Variants in PPFIA2 observed in about 807,000 individuals in gnomAD.
PPFIA2 encodes the protein PPFI scaffold protein A2.
In PPFIA2, 46 loss-of-function variants were observed where a neutral mutation model predicts 175.5. The ratio of observed to expected loss-of-function variants is 0.26; its 90% CI spans 0.21 to 0.34. The LOEUF (loss-of-function observed/expected upper bound fraction) is 0.34, where lower values mean the gene tolerates loss of function less well. Ranked by LOEUF, PPFIA2 falls within the 10% of genes least tolerant of loss-of-function variation. PPFIA2 has a pLI of 1.00. For missense variants in PPFIA2, 1,179 were observed against 1,506.1 expected (o/e 0.78, Z 3.60); for synonymous variants, 568 against 511.4 (o/e 1.11, Z -1.49).
At chr12:81,738,005 A>ATC (rs2081845479) in intron 3 of PPFIA2, among the ~76,000 whole-genome samples, 1 of 151,884 alleles carries the variant, frequency 6.6e-6, no homozygotes, top group Admixed American at 6.6e-5. Context: ...CACAATGTTA[A>ATC]TCTCTATGGA....
intron 24 of PPFIA2, among the ~76,000 whole-genome samples, chr12:81,289,982 T>C (rs1475945732): frequency 6.6e-6 from 1 of 151,722 alleles, no homozygotes; most frequent in African/African-American, 2.4e-5. Flanking sequence ...ATCATATATG[T>C]GACATTTAAA....
chr12:81,310,851 A>T (rs1481277663), intron 22 of PPFIA2, among the ~76,000 whole-genome samples: 1 of 152,146 alleles, frequency 6.6e-6, no homozygotes, highest in African/African-American at 2.4e-5. Context: ...GTAACTTAAA[A>T]TTATATTAAA....
chr12:81,487,942 C>A (rs1211451656), intron 4 of PPFIA2, among the ~76,000 whole-genome samples: 4 of 151,816 alleles, frequency 2.6e-5, no homozygotes, highest in Non-Finnish European at 5.9e-5. Flanking sequence ...TGTTTAACAT[C>A]TGCATTTCCA....
intron 4 of PPFIA2, among the ~76,000 whole-genome samples, chr12:81,517,160 A>G (rs1421487652): frequency 2.7e-5 from 4 of 148,552 alleles, no homozygotes; most frequent in Non-Finnish European, 5.9e-5. Context: ...CTAGTAGAAG[A>G]CAACAGAATC....
At chr12:81,643,348 C>T (rs1464395950) in intron 4 of PPFIA2, among the ~76,000 whole-genome samples, 1 of 151,760 alleles carries the variant, frequency 6.6e-6, no homozygotes, top group Non-Finnish European at 1.5e-5. Flanking sequence ...AGACACCTTC[C>T]CTATAATTTC....
At chr12:81,511,783 C>T (rs560650573) in intron 4 of PPFIA2, among the ~76,000 whole-genome samples, 15 of 151,980 alleles carry the variant, frequency 9.9e-5, no homozygotes, top group Non-Finnish European at 2.1e-4. Context: ...CCTTTAAGAA[C>T]CCAACATTTC....
intron 22 of PPFIA2, among the ~76,000 whole-genome samples, chr12:81,313,037 A>G (rs2051331083): frequency 1.3e-5 from 2 of 152,126 alleles, no homozygotes; most frequent in Non-Finnish European, 2.9e-5. Context: ...TTTTGGGGAA[A>G]CATCCATAAA....
intron 4 of PPFIA2, among the ~76,000 whole-genome samples, chr12:81,666,644 G>C (rs1439324319): frequency 6.6e-6 from 1 of 152,052 alleles, no homozygotes; most frequent in African/African-American, 2.4e-5. Context: ...ATAGCATTTG[G>C]AGATATACCT....
At chr12:81,667,507 C>T (rs1291087206) in intron 4 of PPFIA2, among the ~76,000 whole-genome samples, 2 of 152,072 alleles carry the variant, frequency 1.3e-5, no homozygotes, top group East Asian at 1.9e-4. Context: ...TCCTCCCCAT[C>T]ATTAATAACT....
rs371042284 is a variant in PPFIA2 at position 81,325,857 on chromosome 12, C to T, written c.2562G>A (p.Glu854=). The part of the protein sequence containing the change: ...ARLGQLRGFM[E]TEAAAQESLG... ...GGGACTCCTGAGCTGCAGCTTCAGT[C>T]TCCATAAAGCCTCCTGTGAAGAGAA... The change falls in exon 22 of 33, where the codon GAG becomes GAA. Residue 854 remains glutamate (E), a synonymous_variant. Transcript: ENST00000549396. 7 of 1,611,416 alleles carry T rather than the reference C, an allele frequency of 4.3e-6. No individual in the cohort carries two copies. In the East Asian group the frequency reaches 8.9e-5, roughly 21 times the overall value.
At chr12:81,537,775 T>A (rs921980058) in intron 4 of PPFIA2, among the ~76,000 whole-genome samples, 4 of 151,842 alleles carry the variant, frequency 2.6e-5, no homozygotes, top group African/African-American at 7.2e-5. Context: ...GCCTGCCCCA[T>A]GTCTGACCTC....
At chr12:81,693,557 G>A (rs982171709) in intron 3 of PPFIA2, among the ~76,000 whole-genome samples, 1 of 152,098 alleles carries the variant, frequency 6.6e-6, no homozygotes, top group South Asian at 2.1e-4. Context: ...AAATTACCCA[G>A]TCTCATATAT....
intron 4 of PPFIA2, among the ~76,000 whole-genome samples, chr12:81,500,528 C>G (rs2060485380): frequency 6.6e-6 from 1 of 152,200 alleles, no homozygotes; most frequent in East Asian, 1.9e-4. Context: ...TTTGCGTATA[C>G]AGCAACCAAT....
chr12:81,565,179 T>C (rs563891237), intron 4 of PPFIA2, among the ~76,000 whole-genome samples: 1 of 152,322 alleles, frequency 6.6e-6, no homozygotes, highest in African/African-American at 2.4e-5. Context: ...CACCTTTGTC[T>C]GAGGAGATAA....
intron 4 of PPFIA2, among the ~76,000 whole-genome samples, chr12:81,664,323 G>C (rs1368824608): frequency 6.6e-6 from 1 of 151,838 alleles, no homozygotes; most frequent in Non-Finnish European, 1.5e-5. Flanking sequence ...AATCTACAAA[G>C]AACTCAAACA....
At chr12:81,285,646 C>T (rs9804902) in intron 24 of PPFIA2, among the ~76,000 whole-genome samples, 105,934 of 151,876 alleles carry the variant, frequency 0.7, 37,370 homozygotes, top group Non-Finnish European at 0.76. Context: ...ATTATACCAT[C>T]GTAGTGCAAT....
chr12:81,578,047 T>C (rs551148701), intron 4 of PPFIA2, among the ~76,000 whole-genome samples: 3 of 151,832 alleles, frequency 2.0e-5, no homozygotes, highest in Non-Finnish European at 4.4e-5. Flanking sequence ...AAGTGTTTCA[T>C]TCACAGGACC....
At chr12:81,264,926 A>C (rs1001999038) in intron 30 of PPFIA2, among the ~76,000 whole-genome samples, 1 of 152,118 alleles carries the variant, frequency 6.6e-6, no homozygotes, top group Non-Finnish European at 1.5e-5. Flanking sequence ...AATAGTCTTC[A>C]GTTTTATAAA....
chr12:81,527,814 A>T (rs2153275394), intron 4 of PPFIA2, among the ~76,000 whole-genome samples: 1 of 152,212 alleles, frequency 6.6e-6, no homozygotes, highest in African/African-American at 2.4e-5. Flanking sequence ...GAGTCCTAAG[A>T]GAGCCTGCTT....
Sources: gnomAD v4.1 joint callset for allele counts (sites outside exome capture counted in the v4.1 genomes callset) on GRCh38, gnomAD v4.1.1 for gene constraint, MANE v1.5 for transcripts, NCBI Gene and HGNC (gene_info 2026-07-23, HGNC 2026-07-21) for gene names.